The following HS3ST5 variants were observed in gnomAD, a reference collection of about 807,000 sequenced individuals.
The protein encoded by HS3ST5 is heparan sulfate-glucosamine 3-sulfotransferase 5, also known as heparan sulfate glucosamine 3-O-sulfotransferase 5.
HS3ST5 carries 10 observed loss-of-function variants against 25.4 expected under a neutral mutation model. The ratio of observed to expected loss-of-function variants is 0.39; its 90% CI spans 0.24 to 0.67. The LOEUF (loss-of-function observed/expected upper bound fraction) is 0.67. Among genes scored for constraint, HS3ST5 ranks in the 30% least tolerant of loss-of-function variants. The pLI is 0.44. For missense variants in HS3ST5, 324 were observed against 420.7 expected (o/e 0.77, Z 2.01); for synonymous variants, 170 against 162.4 (o/e 1.05, Z -0.36).
intron 3 of HS3ST5, among the ~76,000 whole-genome samples, chr6:114,141,278 A>G (rs896629177): frequency 4.6e-5 from 7 of 152,354 alleles, no homozygotes; most frequent in African/African-American, 1.7e-4. Flanking sequence ...TGGATGGCTA[A>G]AAACAGTCCA....
At chr6:114,103,694 TTTC>T (rs1264483774) in intron 3 of HS3ST5, among the ~76,000 whole-genome samples, 17 of 150,058 alleles carry the variant, frequency 1.1e-4, no homozygotes, top group Admixed American at 4.0e-4. Flanking sequence ...TTTCTTTCTT[TTTC>T]TTCTTCTTTT....
chr6:114,256,320 A>G (rs538867097), intron 1 of HS3ST5, among the ~76,000 whole-genome samples: 94 of 151,796 alleles, frequency 6.2e-4, no homozygotes, highest in East Asian at 2.7e-3. Flanking sequence ...CCCGGGAGGC[A>G]GAGCTTGCAG....
intron 2 of HS3ST5, among the ~76,000 whole-genome samples, chr6:114,192,802 G>T (rs1294393517): frequency 6.6e-6 from 1 of 152,112 alleles, no homozygotes; most frequent in Non-Finnish European, 1.5e-5. Flanking sequence ...AAAGAAATAA[G>T]ATACTGTAAC....
rs111840682 is a variant in HS3ST5 at position 114,196,170 on chromosome 6, C to T, written c.-144-27708G>A. 4.4e-3 allele frequency among the ~76,000 whole-genome samples: 665 copies of T among 152,292 alleles called. 6 individuals are homozygous for T. Among genetic ancestry groups the T allele is most frequent in the African/African-American group, 0.016 (645 of 41,570 alleles). The stretch of plus-strand genomic sequence containing the variant: ...AACCTCACCCTTTGTGTCCACACTT[C>T]TTAATTCTCTTGGTTGTGAGATGAA... On this transcript the variant is annotated intron_variant, in intron 2 of 4. Coordinates refer to ENST00000312719, the MANE Select transcript of HS3ST5 (RefSeq NM_153612.4).
intron 1 of HS3ST5, among the ~76,000 whole-genome samples, chr6:114,316,265 T>C (rs918371719): frequency 1.3e-5 from 2 of 152,228 alleles, no homozygotes; most frequent in Admixed American, 1.3e-4. Flanking sequence ...TAATTATTTG[T>C]ACAAATTATA....
intron 1 of HS3ST5, among the ~76,000 whole-genome samples, chr6:114,234,606 T>C (rs949954586): frequency 2.6e-5 from 4 of 152,136 alleles, no homozygotes; most frequent in African/African-American, 4.8e-5. Context: ...CTCTTCTGTA[T>C]ATAAATAAAA....
chr6:114,220,507 G>T (rs1405494924), intron 2 of HS3ST5, among the ~76,000 whole-genome samples: 3 of 151,992 alleles, frequency 2.0e-5, no homozygotes, highest in Admixed American at 6.6e-5. Context: ...CCAGGGCACA[G>T]ACGTTACTTA....
At chr6:114,243,583 G>T (rs1397971134) in intron 1 of HS3ST5, among the ~76,000 whole-genome samples, 3 of 152,226 alleles carry the variant, frequency 2.0e-5, no homozygotes. Flanking sequence ...GCAAGTGCTG[G>T]ATTTGTTAAA....
At chr6:114,277,810 T>C (rs1276641521) in intron 1 of HS3ST5, among the ~76,000 whole-genome samples, 2 of 152,022 alleles carry the variant, frequency 1.3e-5, no homozygotes, top group African/African-American at 4.8e-5. Flanking sequence ...GAGTTATTCT[T>C]ATATCCCTTC....
At chr6:114,132,144 T>C (rs1030495452) in intron 3 of HS3ST5, 1 of 152,196 alleles carries the variant, frequency 6.6e-6, no homozygotes, top group Non-Finnish European at 1.5e-5. Flanking sequence ...ATGAGAAAGA[T>C]AAGTATTGTG....
chr6:114,220,849 T>C (rs929198886), intron 2 of HS3ST5: 1 of 151,992 alleles, frequency 6.6e-6, no homozygotes, highest in African/African-American at 2.4e-5. Flanking sequence ...TTTAAACAAC[T>C]GAGGCTATTT....
intron 2 of HS3ST5, among the ~76,000 whole-genome samples, chr6:114,171,609 T>A (rs187028080): frequency 6.6e-6 from 1 of 152,338 alleles, no homozygotes; most frequent in Non-Finnish European, 1.5e-5. Context: ...AAAGTTGTAT[T>A]CAGCCCATTT....
intron 1 of HS3ST5, among the ~76,000 whole-genome samples, chr6:114,242,713 C>T (rs1354138664): frequency 2.0e-5 from 3 of 151,838 alleles, no homozygotes; most frequent in Non-Finnish European, 2.9e-5. Context: ...ATTAGCCGGG[C>T]GCGGTGGCGG....
chr6:114,185,547 C>G (rs1780179266), intron 2 of HS3ST5, among the ~76,000 whole-genome samples: 1 of 152,152 alleles, frequency 6.6e-6, no homozygotes, highest in Non-Finnish European at 1.5e-5. Context: ...CTTTATTGCA[C>G]TCCACAGATA....
intron 2 of HS3ST5, among the ~76,000 whole-genome samples, chr6:114,181,905 T>C (rs926731853): frequency 6.6e-6 from 1 of 151,734 alleles, no homozygotes; most frequent in African/African-American, 2.4e-5. Context: ...TGTGTGTGTG[T>C]ACGCACGCAC....
At chr6:114,154,530 T>C (rs1778607521) in intron 3 of HS3ST5, among the ~76,000 whole-genome samples, 1 of 152,140 alleles carries the variant, frequency 6.6e-6, no homozygotes, top group Non-Finnish European at 1.5e-5. Context: ...AGACTTAGAT[T>C]AGATGTATCA....
intron 3 of HS3ST5, among the ~76,000 whole-genome samples, chr6:114,167,049 G>A (rs530603816): frequency 4.6e-5 from 7 of 152,274 alleles, no homozygotes; most frequent in South Asian, 2.1e-4. Context: ...GCAGTGGTGC[G>A]ATCATAGCTC....
chr6:114,280,421 C>T (rs1774055592), intron 1 of HS3ST5, among the ~76,000 whole-genome samples: 1 of 151,910 alleles, frequency 6.6e-6, no homozygotes, highest in South Asian at 2.1e-4. Context: ...GCTCTGGCCC[C>T]AGGCTAAGAT....
At chr6:114,095,595 C>T (rs1775379566) in intron 3 of HS3ST5, among the ~76,000 whole-genome samples, 1 of 152,078 alleles carries the variant, frequency 6.6e-6, no homozygotes, top group Non-Finnish European at 1.5e-5. Flanking sequence ...TACTGTTGTC[C>T]AGGGCATCAG....
Sources: allele counts gnomAD v4.1 joint callset (sites outside exome capture counted in the v4.1 genomes callset), GRCh38; gene constraint gnomAD v4.1.1; transcripts MANE v1.5; gene names NCBI Gene and HGNC (gene_info 2026-07-23, HGNC 2026-07-21).